TBC1D14: variants seen among roughly 807,000 people sequenced by gnomAD.
The protein encoded by TBC1D14 is TBC1 domain family, member 14.
Under a neutral mutation model 79.0 loss-of-function variants are expected in TBC1D14, and 26 were observed. The observed-to-expected ratio is 0.33, with a 90% CI of 0.24 to 0.46. The LOEUF (loss-of-function observed/expected upper bound fraction) is 0.46. TBC1D14 is among the 20% of genes least tolerant of loss of function. The pLI is 1.00. For synonymous variants in TBC1D14, 394 were observed against 349.9 expected (o/e 1.13, Z -1.40); for missense variants, 769 against 887.6 (o/e 0.87, Z 1.70).
intron 3 of TBC1D14, among the ~76,000 whole-genome samples, chr4:6,978,085 G>A (rs1463946482): frequency 6.7e-6 from 1 of 149,372 alleles, no homozygotes; most frequent in South Asian, 2.1e-4. Flanking sequence ...TCAGCCCCCC[G>A]CCTGGCCAGC....
At position 7,008,301 on chromosome 4, in the gene TBC1D14, A is replaced by G. The variant is rs545565475; in HGVS notation, c.1446+1575A>G. ...TGTAGAGATCTCTCAGCCCTGGTAG[A>G]AAGTAGCTTAGTAACCTTTCTAATG... On this transcript the variant is annotated intron_variant, in intron 9 of 13. Coordinates refer to ENST00000409757, the MANE Select transcript of TBC1D14 (RefSeq NM_020773.3). Among the ~76,000 whole-genome samples, 13 of 152,370 alleles carry G rather than the reference A, an allele frequency of 8.5e-5. No homozygotes were observed. The South Asian group carries it at 2.5e-3, about 29-fold the overall frequency.
Position 7,025,139 on chromosome 4 carries a change from C to T in TBC1D14, c.1893C>T (p.Thr631=). ...GILKLFEDIL[T]KMDFIHMAQF... ...TGAAGCTGTTCGAGGACATCCTGAC[C>T]AAGATGGACTTCATTCACATGGCCC... The change falls in exon 13 of 14, where the codon ACC becomes ACT. Residue 631 remains threonine (T), a synonymous_variant. Coordinates refer to ENST00000409757, the MANE Select transcript of TBC1D14 (RefSeq NM_020773.3). The T allele has an allele frequency of 6.2e-7, 1 of 1,614,174 alleles. No homozygotes were observed. Among genetic ancestry groups the T allele is most frequent in the Non-Finnish European group, 8.5e-7 (1 of 1,180,034 alleles).
chr4:6,972,981 T>C (rs1437841223), intron 3 of TBC1D14, among the ~76,000 whole-genome samples: 3 of 152,208 alleles, frequency 2.0e-5, no homozygotes, highest in Non-Finnish European at 2.9e-5. Flanking sequence ...GCTGTAGGGA[T>C]TGACGTCGTT....
At chr4:6,952,264 C>T (rs1265235195) in intron 2 of TBC1D14, among the ~76,000 whole-genome samples, 5 of 152,344 alleles carry the variant, frequency 3.3e-5, no homozygotes, top group Admixed American at 1.3e-4. Context: ...TTTATGGTTC[C>T]ATAGGTCTGG....
chr4:7,027,673 TCA>T (rs1297836084), intron 13 of TBC1D14, among the ~76,000 whole-genome samples: 1 of 26,388 alleles, frequency 3.8e-5, no homozygotes, highest in Non-Finnish European at 7.1e-5. Flanking sequence ...CCCCACACAA[TCA>T]CACACCCACA....
intron 2 of TBC1D14, among the ~76,000 whole-genome samples, chr4:6,930,327 C>T (rs911999083): frequency 6.6e-6 from 1 of 152,134 alleles, no homozygotes; most frequent in Non-Finnish European, 1.5e-5. Context: ...TGGAGTCAGC[C>T]GTTTGTCACG....
chr4:6,972,721 A>G (rs927559445), intron 3 of TBC1D14, among the ~76,000 whole-genome samples: 2 of 152,118 alleles, frequency 1.3e-5, no homozygotes, highest in African/African-American at 4.8e-5. Context: ...AGAAACAGAA[A>G]CTAAGAACCC....
rs142057655 is a variant in TBC1D14 at position 6,931,022 on chromosome 4, T to A, written c.722+6911T>A. ...TTCAAACGCTTCTCCTGCCTCAGCC[T>A]CCTGAGTAGCTGGGATTACAGGTGC... On this transcript the variant is annotated intron_variant, in intron 2 of 13. Coordinates refer to ENST00000409757, the MANE Select transcript of TBC1D14 (RefSeq NM_020773.3). 3.1e-3 allele frequency among the ~76,000 whole-genome samples: 476 copies of A among 152,228 alleles called. 2 individuals are homozygous for A. The highest frequency in any genetic ancestry group is 0.01 in the African/African-American group (432 of 41,548).
At chr4:6,951,357 T>C (rs1264423234) in intron 2 of TBC1D14, among the ~76,000 whole-genome samples, 1 of 152,002 alleles carries the variant, frequency 6.6e-6, no homozygotes, top group African/African-American at 2.4e-5. Context: ...TTCAAAAAAG[T>C]CCATTTTATT....
At chr4:6,925,008 T>C (rs1724175696) in intron 2 of TBC1D14, among the ~76,000 whole-genome samples, 1 of 152,092 alleles carries the variant, frequency 6.6e-6, no homozygotes, top group Admixed American at 6.6e-5. Flanking sequence ...AATTGAGATC[T>C]GTGGCTGGGT....
chr4:7,014,409 G>T (rs189905218), intron 11 of TBC1D14, 39 bp from the exon 12 acceptor site: 2 of 1,386,678 alleles, frequency 1.4e-6, no homozygotes, highest in South Asian at 2.4e-5. Context: ...GAAAACTTGT[G>T]CAGATAGTTT....
At chr4:7,028,586 C>T (rs185732469) in intron 13 of TBC1D14, among the ~76,000 whole-genome samples, 1 of 152,170 alleles carries the variant, frequency 6.6e-6, no homozygotes, top group East Asian at 1.9e-4. Flanking sequence ...GCCTCCATGC[C>T]CAGCTAATTT....
intron 2 of TBC1D14, among the ~76,000 whole-genome samples, chr4:6,960,909 C>T (rs945126990): frequency 2.6e-5 from 4 of 152,170 alleles, no homozygotes; most frequent in Admixed American, 6.5e-5. Context: ...CGGTGTCCAA[C>T]GCGTACCTGA....
chr4:6,921,366 C>T (rs1723843843), intron 1 of TBC1D14, among the ~76,000 whole-genome samples: 1 of 151,958 alleles, frequency 6.6e-6, no homozygotes, highest in East Asian at 1.9e-4. Context: ...GCCACCACAC[C>T]CAGCTAATTT....
At chr4:6,959,458 C>T (rs1005076808) in intron 2 of TBC1D14, among the ~76,000 whole-genome samples, 3 of 152,184 alleles carry the variant, frequency 2.0e-5, no homozygotes, top group Non-Finnish European at 4.4e-5. Flanking sequence ...TGGGCCTTCC[C>T]CCGGGCTGGT....
chr4:6,964,499 T>C (rs1715528293), intron 2 of TBC1D14, among the ~76,000 whole-genome samples: 1 of 152,234 alleles, frequency 6.6e-6, no homozygotes, highest in Non-Finnish European at 1.5e-5. Flanking sequence ...GATGCCAGGT[T>C]CTTAGTGTCT....
rs545436091 is a variant in TBC1D14 at position 6,925,762 on chromosome 4, G to A, written c.722+1651G>A. Reference sequence around the variant, plus strand: ...TCCCTTCTGAGGCTGTAGCCATATCGCGGTGTTGCTGTGGTTAGATTTGTG... The same window carrying A: ...TCCCTTCTGAGGCTGTAGCCATATCACGGTGTTGCTGTGGTTAGATTTGTG... On this transcript the variant is annotated intron_variant, in intron 2 of 13. Coordinates refer to ENST00000409757, the MANE Select transcript of TBC1D14 (RefSeq NM_020773.3). Among the ~76,000 whole-genome samples, 80 of 152,266 alleles carry A rather than the reference G, an allele frequency of 5.3e-4. 1 individual carries two copies. The South Asian group carries it at 0.016, about 30-fold the overall frequency.
intron 13 of TBC1D14, among the ~76,000 whole-genome samples, chr4:7,029,977 G>A (rs60228659): frequency 0.093 from 14,150 of 152,242 alleles, 994 homozygotes; most frequent in African/African-American, 0.19. Context: ...CAGGGTGGCA[G>A]GAGTGCAGCG....
intron 3 of TBC1D14, among the ~76,000 whole-genome samples, chr4:6,990,283 T>G (rs1463105388): frequency 6.6e-6 from 1 of 152,134 alleles, no homozygotes; most frequent in Middle Eastern, 3.2e-3. Context: ...ACCCTGTCTC[T>G]ACTAAAAATA....
Sources: gnomAD v4.1 joint callset for allele counts (sites outside exome capture counted in the v4.1 genomes callset) on GRCh38, gnomAD v4.1.1 for gene constraint, MANE v1.5 for transcripts, NCBI Gene and HGNC (gene_info 2026-07-23, HGNC 2026-07-21) for gene names.